CDYL2: variants seen among roughly 807,000 people sequenced by gnomAD.
CDYL2 encodes chromodomain Y like 2.
Under a neutral mutation model 49.4 loss-of-function variants are expected in CDYL2, and 23 were observed. The ratio of observed to expected loss-of-function variants is 0.47; its 90% CI spans 0.34 to 0.66. The LOEUF (loss-of-function observed/expected upper bound fraction) is 0.66. Ranked by LOEUF, CDYL2 falls within the 30% of genes least tolerant of loss-of-function variation. CDYL2 has a pLI of 0.01. For synonymous variants in CDYL2, 360 were observed against 268.8 expected (o/e 1.34, Z -3.32); for missense variants, 678 against 656.4 (o/e 1.03, Z -0.36).
chr16:80,668,135 A>G (rs1414346204), intron 2 of CDYL2, among the ~76,000 whole-genome samples: 1 of 152,264 alleles, frequency 6.6e-6, no homozygotes, highest in Non-Finnish European at 1.5e-5. Context: ...ACAGAGGAAC[A>G]GTTAAGTCCC....
chr16:80,782,263 G>A (rs1567605205), intron 1 of CDYL2, among the ~76,000 whole-genome samples: 2 of 151,664 alleles, frequency 1.3e-5, no homozygotes, highest in Non-Finnish European at 2.9e-5. Context: ...CATGAAATGG[G>A]AAACACAAAC....
intron 1 of CDYL2, among the ~76,000 whole-genome samples, chr16:80,730,521 G>A (rs1208918752): frequency 6.6e-6 from 1 of 151,978 alleles, no homozygotes; most frequent in East Asian, 1.9e-4. Context: ...TCTACCAGAG[G>A]TACAAGGAGG....
At position 80,633,116 on chromosome 16, in the gene CDYL2, T is replaced by C; in HGVS notation, c.737A>G (p.Asn246Ser). 1 of 1,614,206 alleles carries C rather than the reference T, an allele frequency of 6.2e-7. No homozygotes were observed. Among genetic ancestry groups the C allele is most frequent in the Non-Finnish European group, 8.5e-7 (1 of 1,180,028 alleles). The change falls in exon 3 of 7, where the codon AAC (asparagine) becomes AGC (serine). Residue 246 changes from asparagine to serine, a missense_variant. Transcript: ENST00000570137. ...CACAACGATGTCTCGAAACCGACAGTTGCTTTCATTCTGGCGGACACTGTA... is the reference window on the plus strand; with the variant it reads ...CACAACGATGTCTCGAAACCGACAGCTGCTTTCATTCTGGCGGACACTGTA... Reference protein sequence around the residue: ...LRYSVRQNESNCRFRDIVVRK... With the variant: ...LRYSVRQNESSCRFRDIVVRK...
intron 1 of CDYL2, among the ~76,000 whole-genome samples, chr16:80,687,857 T>C (rs1910260979): frequency 6.6e-6 from 1 of 152,240 alleles, no homozygotes; most frequent in African/African-American, 2.4e-5. Flanking sequence ...CACAACTATG[T>C]ACGTTTGCAT....
At chr16:80,696,951 T>G (rs535055138) in intron 1 of CDYL2, among the ~76,000 whole-genome samples, 2 of 152,216 alleles carry the variant, frequency 1.3e-5, no homozygotes, top group African/African-American at 4.8e-5. Flanking sequence ...GCCCTATGAT[T>G]GCATCTGTGA....
At chr16:80,800,770 A>G (rs1165136667) in intron 1 of CDYL2, among the ~76,000 whole-genome samples, 1 of 152,184 alleles carries the variant, frequency 6.6e-6, no homozygotes, top group Non-Finnish European at 1.5e-5. Flanking sequence ...TCACTGATTC[A>G]GTCAACAAGT....
At chr16:80,652,043 A>G (rs1023993830) in intron 2 of CDYL2, among the ~76,000 whole-genome samples, 1 of 152,190 alleles carries the variant, frequency 6.6e-6, no homozygotes, top group Non-Finnish European at 1.5e-5. Flanking sequence ...AGAAATATCT[A>G]TAGATAAGGG....
intron 1 of CDYL2, among the ~76,000 whole-genome samples, chr16:80,708,928 T>C (rs148891004): frequency 0.019 from 2,881 of 152,296 alleles, 95 homozygotes; most frequent in African/African-American, 0.065. Flanking sequence ...TTGCTTATTA[T>C]AAAGCAACAT....
intron 2 of CDYL2, among the ~76,000 whole-genome samples, chr16:80,663,667 A>C (rs1336982605): frequency 1.3e-5 from 2 of 152,004 alleles, no homozygotes; most frequent in Non-Finnish European, 2.9e-5. Flanking sequence ...ATCTTGGCTC[A>C]CTGCAACCTC....
intron 1 of CDYL2, among the ~76,000 whole-genome samples, chr16:80,773,521 C>T (rs747764517): frequency 1.3e-5 from 2 of 152,084 alleles, no homozygotes; most frequent in Non-Finnish European, 2.9e-5. Context: ...TGCCCAACAG[C>T]TGCATGCATG....
At chr16:80,704,473 C>A (rs1334838871) in intron 1 of CDYL2, among the ~76,000 whole-genome samples, 2 of 152,206 alleles carry the variant, frequency 1.3e-5, no homozygotes, top group Non-Finnish European at 2.9e-5. Flanking sequence ...AGCACACAGT[C>A]CATGGGGACA....
rs981513904 is a variant in CDYL2, at chr16:80,668,841, G to C, written c.616+15697C>G. Among the ~76,000 whole-genome samples the C allele has an allele frequency of 3.3e-5, 5 of 152,148 alleles. No homozygotes were observed. In the East Asian group the frequency reaches 9.7e-4, roughly 29 times the overall value. On this transcript the variant is annotated intron_variant, in intron 2 of 6. Transcript: ENST00000570137. The stretch of plus-strand genomic sequence containing the variant: ...TTGAACCCATGAAGCAGAGGCTGCA[G>C]TGAGCCGAGATCACCCCACTGCACT...
At chr16:80,666,665 T>C (rs980985258) in intron 2 of CDYL2, among the ~76,000 whole-genome samples, 14 of 152,244 alleles carry the variant, frequency 9.2e-5, no homozygotes, top group African/African-American at 3.1e-4. Flanking sequence ...TTCCAGGACA[T>C]GTTACCATGA....
At chr16:80,702,159 G>C (rs971680836) in intron 1 of CDYL2, among the ~76,000 whole-genome samples, 1 of 149,818 alleles carries the variant, frequency 6.7e-6, no homozygotes, top group East Asian at 2.0e-4. Context: ...AATTCCAAGA[G>C]GTTCCAAGAG....
chr16:80,757,884 C>T (rs1906369063), intron 1 of CDYL2, among the ~76,000 whole-genome samples: 1 of 152,074 alleles, frequency 6.6e-6, no homozygotes, highest in African/African-American at 2.4e-5. Context: ...AAATACCATT[C>T]TGATCCCAGC....
intron 1 of CDYL2, among the ~76,000 whole-genome samples, chr16:80,700,736 A>G (rs1438850097): frequency 6.6e-6 from 1 of 152,250 alleles, no homozygotes; most frequent in Non-Finnish European, 1.5e-5. Flanking sequence ...AATTTAACAG[A>G]TATCTATGCA....
intron 2 of CDYL2, among the ~76,000 whole-genome samples, chr16:80,648,917 C>A (rs7194240): frequency 6.6e-6 from 1 of 152,078 alleles, no homozygotes; most frequent in Non-Finnish European, 1.5e-5. Flanking sequence ...TCAATTGGTG[C>A]TGAGAACACA....
chr16:80,608,955 C>G (rs1262449771), intron 5 of CDYL2, among the ~76,000 whole-genome samples: 7 of 152,176 alleles, frequency 4.6e-5, no homozygotes, highest in African/African-American at 1.7e-4. Flanking sequence ...ACTTCCATCA[C>G]TGGCAGCCAA....
At chr16:80,727,997 GAA>G (rs1341450793) in intron 1 of CDYL2, among the ~76,000 whole-genome samples, 6 of 152,124 alleles carry the variant, frequency 3.9e-5, no homozygotes, top group Non-Finnish European at 8.8e-5. Flanking sequence ...ACAAAGGTGG[GAA>G]AAAAACAGAG....
Sources: allele counts gnomAD v4.1 joint callset (sites outside exome capture counted in the v4.1 genomes callset), GRCh38; gene constraint gnomAD v4.1.1; transcripts MANE v1.5; gene names NCBI Gene and HGNC (gene_info 2026-07-23, HGNC 2026-07-21).